CRMP1: variants seen among roughly 807,000 people sequenced by gnomAD.
CRMP1 encodes the protein collapsin response mediator protein 1.
A neutral mutation model predicts 68.3 loss-of-function variants in CRMP1; 19 were observed. The observed-to-expected ratio is 0.28, with a 90% CI of 0.19 to 0.41. The LOEUF is 0.41. CRMP1 is among the 10% of genes least tolerant of loss of function. The pLI is 1.00. For synonymous variants in CRMP1, 439 were observed against 399.6 expected (o/e 1.10, Z -1.18); for missense variants, 791 against 967.4 (o/e 0.82, Z 2.42).
chr4:5,821,694 C>G lies in CRMP1; in HGVS notation c.*66G>C, dbSNP rs990032018. On this transcript the variant is annotated 3_prime_UTR_variant, in exon 14 of 14. Coordinates refer to ENST00000324989, the MANE Select transcript of CRMP1 (RefSeq NM_001014809.3). The surrounding 1 kb of genome is among the most constrained non-coding windows in gnomAD (Gnocchi z 4.4). Reference sequence around the variant, plus strand: ...ACTAAAACTGTGGGTTTCAAAAACACTGACAGGAAAAGGGATGGACATGAT... The same window carrying G: ...ACTAAAACTGTGGGTTTCAAAAACAGTGACAGGAAAAGGGATGGACATGAT... 2.0e-6 allele frequency: 3 copies of G among 1,464,274 alleles called. No individual in the cohort carries two copies. The highest frequency in any genetic ancestry group is 2.0e-5 in the Admixed American group (1 of 49,334). 90.7% of individuals were successfully genotyped at this position (1,464,274 alleles called of 1,614,324 possible).
chr4:5,837,038 T>A, intron 9 of CRMP1, 132 bp from the exon 10 acceptor site: 4 of 1,030,618 alleles, frequency 3.9e-6, no homozygotes, highest in Non-Finnish European at 5.5e-6. Context: ...TAAGAGAGAC[T>A]CTCTAGCGTG....
chr4:5,841,750 G>A lies in CRMP1; in HGVS notation c.1033-322C>T, dbSNP rs1711744761. On this transcript the variant is annotated intron_variant, in intron 7 of 13. Transcript: ENST00000324989. This position sits in a 1 kb window ranked among gnomAD's most constrained non-coding sequence, Gnocchi z 6.9. ...GTGGAGCTCATGAAGAGCACTGGGT[G>A]GGATCTCAAGCCCCTCAGGACACGG... Among the ~76,000 whole-genome samples, 2 of 152,186 alleles carry A rather than the reference G, an allele frequency of 1.3e-5. No homozygotes were observed. Among genetic ancestry groups the A allele is most frequent in the South Asian group, 2.1e-4 (1 of 4,832 alleles).
chr4:5,844,803 G>A (rs548521299), intron 6 of CRMP1, among the ~76,000 whole-genome samples: 6 of 151,216 alleles, frequency 4.0e-5, no homozygotes, highest in African/African-American at 7.3e-5. Flanking sequence ...AACCACTAAC[G>A]CTGAATCTAC....
At chr4:5,828,253 G>C (rs955863188) in intron 12 of CRMP1, 1 of 985,268 alleles carries the variant, frequency 1.0e-6, no homozygotes, top group Non-Finnish European at 1.2e-6. Flanking sequence ...ACCCTCACGG[G>C]TGCACACCCC....
chr4:5,857,413 C>T (rs57598689), intron 3 of CRMP1, among the ~76,000 whole-genome samples: 2,769 of 152,150 alleles, frequency 0.018, 88 homozygotes, highest in African/African-American at 0.063. Context: ...CATTGTCATA[C>T]TGCCATCACT....
Position 5,854,827 on chromosome 4 carries a change from A to G in CRMP1, c.820+1316T>C, listed in dbSNP as rs79375454. Among the ~76,000 whole-genome samples the G allele has an allele frequency of 0.011, 1,740 of 152,270 alleles. 27 individuals carry two copies. Among genetic ancestry groups the G allele is most frequent in the African/African-American group, 0.039 (1,632 of 41,542 alleles). The stretch of plus-strand genomic sequence containing the variant: ...AGGGGATGCATCTTTCAGGAAACCA[A>G]TTTGGCAATAAGTGTCATAATCTTG... On this transcript the variant is annotated intron_variant, in intron 4 of 13. Coordinates refer to ENST00000324989, the MANE Select transcript of CRMP1 (RefSeq NM_001014809.3). This position sits in a 1 kb window ranked among gnomAD's most constrained non-coding sequence, Gnocchi z 4.0.
chr4:5,865,212 C>T lies in CRMP1; in HGVS notation c.470+1456G>A, dbSNP rs1395930752. ...CTTGTGCCAGCCACTCATGCTGGAT[C>T]CTTAAACAGTGTCCTTCTCTTCTCT... On this transcript the variant is annotated intron_variant, in intron 2 of 13. Coordinates refer to ENST00000324989, the MANE Select transcript of CRMP1 (RefSeq NM_001014809.3). This position sits in a 1 kb window ranked among gnomAD's most constrained non-coding sequence, Gnocchi z 4.1. 5.3e-5 allele frequency among the ~76,000 whole-genome samples: 8 copies of T among 152,192 alleles called. 2 individuals carry two copies. The highest frequency in any genetic ancestry group is 1.9e-4 in the African/African-American group (8 of 41,536).
At chr4:5,830,459 T>G (rs1720285867) in intron 11 of CRMP1, among the ~76,000 whole-genome samples, 1 of 152,226 alleles carries the variant, frequency 6.6e-6, no homozygotes, top group Non-Finnish European at 1.5e-5. Context: ...AAAATGTGTG[T>G]TGTATTCTAG....
chr4:5,828,442 C>G, intron 12 of CRMP1, 47 bp downstream of exon 12: 8 of 1,591,552 alleles, frequency 5.0e-6, no homozygotes, highest in Non-Finnish European at 6.9e-6. Flanking sequence ...GAGACGCTGT[C>G]GGCTCTGGTC....
chr4:5,852,327 G>C (rs142089200), intron 4 of CRMP1, among the ~76,000 whole-genome samples: 1 of 152,146 alleles, frequency 6.6e-6, no homozygotes, highest in East Asian at 1.9e-4. Context: ...TACACCAAAC[G>C]TGTTGGTTTC....
rs1459670906 is a variant in CRMP1 at position 5,877,026 on chromosome 4, G to A, written c.382-10270C>T. 2.6e-5 allele frequency among the ~76,000 whole-genome samples: 4 copies of A among 152,206 alleles called. No homozygotes were observed. The highest frequency in any genetic ancestry group is 5.9e-5 in the Non-Finnish European group (4 of 68,044). On this transcript the variant is annotated intron_variant, in intron 1 of 13. Transcript: ENST00000324989. The surrounding 1 kb of genome is among the most constrained non-coding windows in gnomAD (Gnocchi z 4.3). ...CCCATGTGACCTGCTTTGGCTGGGA[G>A]TGCACCAGTCTGAGCACAAGCTTTA...
chr4:5,825,458 C>A lies in CRMP1; in HGVS notation c.1969+36G>T, dbSNP rs761638348. The A allele has an allele frequency of 6.5e-7, 1 of 1,535,500 alleles. No individual in the cohort carries two copies. The highest frequency in any genetic ancestry group is 8.7e-7 in the Non-Finnish European group (1 of 1,149,422). On this transcript the variant is annotated intron_variant, in intron 13 of 13. Transcript: ENST00000324989. This position sits in a 1 kb window ranked among gnomAD's most constrained non-coding sequence, Gnocchi z 4.4. ...AGGAAGGACTCGGCCTGAACTGCTG[C>A]AATTGTGGGGAGCCTGGGCCACCAC...
Position 5,851,480 on chromosome 4 carries a change from A to G in CRMP1, c.821-11T>C. On this transcript the variant is annotated splice_polypyrimidine_tract_variant and intron_variant, in intron 4 of 13. Coordinates refer to ENST00000324989, the MANE Select transcript of CRMP1 (RefSeq NM_001014809.3). ...GGAAGGAATTGACGCCTGTTTCAAG[A>G]TAGAAAGGATAGAAAAATATGTTTA... 1.2e-6 allele frequency: 2 copies of G among 1,611,042 alleles called. No individual in the cohort carries two copies. The highest frequency in any genetic ancestry group is 2.2e-5 in the East Asian group (1 of 44,868).
At chr4:5,886,364 T>C (rs60950891) in intron 1 of CRMP1, among the ~76,000 whole-genome samples, 1,816 of 152,282 alleles carry the variant, frequency 0.012, 35 homozygotes, top group African/African-American at 0.041. Flanking sequence ...GCACACTAAA[T>C]GCTTTGGAGG....
chr4:5,849,523 T>A, intron 5 of CRMP1, 51 bp from the exon 6 acceptor site: 10 of 1,065,892 alleles, frequency 9.4e-6, no homozygotes, highest in South Asian at 1.4e-5. Flanking sequence ...AAAAAAAAAA[T>A]CACAGCGTGT....
chr4:5,892,913 C>T lies in CRMP1; in HGVS notation c.57G>A (p.Ala19=). The change falls in exon 1 of 14, where the codon GCG becomes GCA. Residue 19 remains alanine, a synonymous_variant. Transcript: ENST00000324989. This position sits in a 1 kb window ranked among gnomAD's most constrained non-coding sequence, Gnocchi z 8.6. ...NTEDDLPVYL[A]RPGSAAQTPR... The stretch of plus-strand genomic sequence containing the variant: ...GGGTCTGCGCCGCGCTGCCCGGCCG[C>T]GCCAGGTACACGGGCAGGTCGTCCT... The T allele has an allele frequency of 7.4e-7, 1 of 1,349,844 alleles. No homozygotes were observed. Among genetic ancestry groups the T allele is most frequent in the Non-Finnish European group, 9.6e-7 (1 of 1,044,216 alleles). The allele number at this position is 1,349,844 out of a possible 1,614,324, so 83.6% of individuals were successfully genotyped here.
intron 13 of CRMP1, among the ~76,000 whole-genome samples, chr4:5,823,343 C>T (rs73079525): frequency 1.3e-5 from 2 of 152,166 alleles, no homozygotes; most frequent in Non-Finnish European, 2.9e-5. Flanking sequence ...ATACAAGTCT[C>T]CCCTAAAGGC....
chr4:5,832,118 A>G (rs1230733498), intron 11 of CRMP1, among the ~76,000 whole-genome samples: 3 of 152,262 alleles, frequency 2.0e-5, no homozygotes, highest in Non-Finnish European at 4.4e-5. Flanking sequence ...AATGTCCAGA[A>G]TAGGCAAATC....
chr4:5,841,811 CCT>C lies in CRMP1; in HGVS notation c.1033-385_1033-384del, dbSNP rs368892108. Among the ~76,000 whole-genome samples, 5 of 152,252 alleles carry C rather than the reference CCT, an allele frequency of 3.3e-5. No individual in the cohort carries two copies. The highest frequency in any genetic ancestry group is 1.2e-4 in the African/African-American group (5 of 41,552). On this transcript the variant is annotated intron_variant, in intron 7 of 13. Transcript: ENST00000324989. The surrounding 1 kb of genome is among the most constrained non-coding windows in gnomAD (Gnocchi z 6.9). ...CTCATGTGGACTCATGTCTGTGTCC[CCT>C]GTGTCCAGCAGACACCAGGCCCAGG...
Sources: gnomAD v4.1 joint callset for allele counts (sites outside exome capture counted in the v4.1 genomes callset) on GRCh38, gnomAD v4.1.1 for gene constraint, Gnocchi (gnomAD v3.1) non-coding constraint, MANE v1.5 for transcripts, NCBI Gene and HGNC (gene_info 2026-07-23, HGNC 2026-07-21) for gene names.